CTNNA3: variants seen among roughly 807,000 people sequenced by gnomAD.
CTNNA3 encodes the protein catenin alpha 3, also known as catenin alpha-3.
Under a neutral mutation model 95.7 loss-of-function variants are expected in CTNNA3, and 76 were observed. The observed-to-expected ratio is 0.79, with a 90% CI of 0.66 to 0.96. The LOEUF is 0.96. Ranked by LOEUF, CTNNA3 falls within the 40% of genes least tolerant of loss-of-function variation. The pLI is 0.00. For missense variants in CTNNA3, 1,191 were observed against 1,089.8 expected (o/e 1.09, Z -1.31); for synonymous variants, 431 against 374.4 (o/e 1.15, Z -1.74).
chr10:67,188,697 G>C (rs778388320), intron 6 of CTNNA3, among the ~76,000 whole-genome samples: 2 of 152,110 alleles, frequency 1.3e-5, no homozygotes, highest in Non-Finnish European at 2.9e-5. Context: ...GTACTCTCAT[G>C]TTCACTGCAC....
At chr10:65,925,444 T>C (rs2077155385) in intron 17 of CTNNA3, among the ~76,000 whole-genome samples, 1 of 152,192 alleles carries the variant, frequency 6.6e-6, no homozygotes, top group Non-Finnish European at 1.5e-5. Flanking sequence ...AATATATCTT[T>C]TCTTTTTTTT....
At position 67,521,938 on chromosome 10, in the gene CTNNA3, G is replaced by T. The variant is rs74142830; in HGVS notation, c.483C>A (p.Leu161=). Residue 161 remains leucine (L), a synonymous_variant, in exon 5 of 18, where the codon CTC becomes CTA. Transcript: ENST00000433211. The part of the protein sequence containing the change: ...VSAFQRTFES[L]KNVANKSDLQ... ...GGTCAGATTTGTTGGCAACATTTTT[G>T]AGAGACTCAAATGTCCTTTGAAACT... is the stretch of plus-strand genomic sequence containing the variant. 1 of 1,613,020 alleles carries T rather than the reference G, an allele frequency of 6.2e-7. No individual in the cohort carries two copies. The highest frequency in any genetic ancestry group is 1.3e-5 in the African/African-American group (1 of 75,030).
intron 3 of CTNNA3, among the ~76,000 whole-genome samples, chr10:67,554,567 G>A (rs1841163070): frequency 6.6e-6 from 1 of 152,192 alleles, no homozygotes; most frequent in African/African-American, 2.4e-5. Flanking sequence ...TTTGAGAAGT[G>A]TCTATTCATA....
intron 1 of CTNNA3, among the ~76,000 whole-genome samples, chr10:67,745,444 T>C (rs1215042749): frequency 3.5e-5 from 5 of 141,394 alleles, no homozygotes; most frequent in South Asian, 2.2e-4. Flanking sequence ...TCACTCATAG[T>C]TGGGAATTGA....
chr10:67,180,591 T>A (rs1012068539), intron 6 of CTNNA3, 71 bp from the exon 7 acceptor site: 2 of 1,317,938 alleles, frequency 1.5e-6, no homozygotes, highest in South Asian at 2.4e-5. Context: ...AAATGTTATT[T>A]TGTTTTTGCA....
At chr10:67,065,653 G>T (rs376230946) in intron 7 of CTNNA3, among the ~76,000 whole-genome samples, 4 of 151,980 alleles carry the variant, frequency 2.6e-5, no homozygotes, top group African/African-American at 9.7e-5. Flanking sequence ...TCCAGTGCCT[G>T]GTCCTCCATG....
chr10:67,464,202 A>G lies in CTNNA3; in HGVS notation c.579+57640T>C, dbSNP rs539641129. Among the ~76,000 whole-genome samples the G allele has an allele frequency of 9.2e-5, 14 of 152,258 alleles. No individual in the cohort carries two copies. In the South Asian group the frequency reaches 2.9e-3, roughly 32 times the overall value. On this transcript the variant is annotated intron_variant, in intron 5 of 17. Coordinates refer to ENST00000433211, the MANE Select transcript of CTNNA3 (RefSeq NM_013266.4). ...CAGAAATCATCCCATAAACTGATCT[A>G]TTCATGCTTGCCCTTGGATATTTCC...
chr10:65,947,610 A>G (rs982728738), intron 17 of CTNNA3, among the ~76,000 whole-genome samples: 1 of 152,020 alleles, frequency 6.6e-6, no homozygotes, highest in Non-Finnish European at 1.5e-5. Flanking sequence ...GAGATTCCAG[A>G]AAGTACATAA....
chr10:66,105,524 A>G (rs943538314), intron 13 of CTNNA3, among the ~76,000 whole-genome samples: 3 of 152,194 alleles, frequency 2.0e-5, no homozygotes, highest in Non-Finnish European at 2.9e-5. Context: ...AAATAACTTC[A>G]TCATCCACTC....
At chr10:66,840,364 TC>T (rs1843018462) in intron 7 of CTNNA3, among the ~76,000 whole-genome samples, 1 of 92,938 alleles carries the variant, frequency 1.1e-5, no homozygotes, top group African/African-American at 6.5e-5. Context: ...TCTCTCTCTC[TC>T]TCTCTCTCAC....
intron 6 of CTNNA3, among the ~76,000 whole-genome samples, chr10:67,199,039 T>G: frequency 6.9e-6 from 1 of 145,434 alleles, no homozygotes; most frequent in Non-Finnish European, 1.5e-5. Context: ...GTAAAAAAAA[T>G]AAGGTAAAGG....
At chr10:66,979,459 G>C (rs1850286229) in intron 7 of CTNNA3, among the ~76,000 whole-genome samples, 1 of 152,118 alleles carries the variant, frequency 6.6e-6, no homozygotes, top group African/African-American at 2.4e-5. Context: ...TAATGTAAGA[G>C]TTTCTGGCAT....
At chr10:65,984,472 C>A (rs1187620656) in intron 16 of CTNNA3, among the ~76,000 whole-genome samples, 2 of 151,104 alleles carry the variant, frequency 1.3e-5, no homozygotes, top group Non-Finnish European at 3.0e-5. Flanking sequence ...ATGGAAAAGG[C>A]CAAAAAGAGT....
chr10:66,115,784 C>A (rs10822724), intron 13 of CTNNA3, among the ~76,000 whole-genome samples: 59,803 of 151,832 alleles, frequency 0.39, 12,095 homozygotes, highest in African/African-American at 0.46. Context: ...TGTGTTCCAG[C>A]CACGGATGTT....
At chr10:66,347,469 G>A (rs539020301) in intron 12 of CTNNA3, among the ~76,000 whole-genome samples, 14 of 152,004 alleles carry the variant, frequency 9.2e-5, no homozygotes, top group Middle Eastern at 3.4e-3. Context: ...TTAAAAATGA[G>A]TCAGGTATGG....
At chr10:66,335,888 C>T (rs1173808169) in intron 12 of CTNNA3, among the ~76,000 whole-genome samples, 1 of 152,102 alleles carries the variant, frequency 6.6e-6, no homozygotes, top group African/African-American at 2.4e-5. Context: ...CCAGTTTGAG[C>T]TTCCCAGCCG....
At chr10:66,475,536 T>C (rs754347573) in intron 11 of CTNNA3, among the ~76,000 whole-genome samples, 1 of 151,932 alleles carries the variant, frequency 6.6e-6, no homozygotes, top group South Asian at 2.1e-4. Context: ...AATGAACCCA[T>C]TAAAAAGTGA....
intron 3 of CTNNA3, among the ~76,000 whole-genome samples, chr10:67,548,045 T>C (rs1426417721): frequency 1.3e-5 from 2 of 152,078 alleles, no homozygotes; most frequent in Non-Finnish European, 2.9e-5. Flanking sequence ...TAATCCCCAG[T>C]GTTGGAGGTG....
At chr10:66,017,442 T>C (rs537808784) in intron 15 of CTNNA3, among the ~76,000 whole-genome samples, 2 of 152,266 alleles carry the variant, frequency 1.3e-5, no homozygotes, top group African/African-American at 2.4e-5. Context: ...TTGGAAGAGA[T>C]GACTAAAGCT....
Sources: allele counts gnomAD v4.1 joint callset (sites outside exome capture counted in the v4.1 genomes callset), GRCh38; gene constraint gnomAD v4.1.1; transcripts MANE v1.5; gene names NCBI Gene and HGNC (gene_info 2026-07-23, HGNC 2026-07-21).